Variants in MYH9 observed in about 807,000 individuals in gnomAD.
The protein encoded by MYH9 is myosin-9.
MYH9 carries 29 observed loss-of-function variants against 241.9 expected under a neutral mutation model. The ratio of observed to expected loss-of-function variants is 0.12; its 90% confidence interval spans 0.09 to 0.16. The LOEUF (loss-of-function observed/expected upper bound fraction) is 0.16, where lower values mean the gene tolerates loss of function less well. MYH9 is among the 10% of genes least tolerant of loss of function. The pLI, the probability that MYH9 is intolerant of heterozygous loss-of-function variation, is 1.00. For synonymous variants in MYH9, 1,047 were observed against 1,062.6 expected (o/e 0.99, Z 0.29); for missense variants, 1,803 against 2,595.5 (o/e 0.69, Z 6.63).
At chr22:36,365,277 T>C (rs1426440965) in intron 1 of MYH9, among the ~76,000 whole-genome samples, 1 of 152,074 alleles carries the variant, frequency 6.6e-6, no homozygotes, top group Admixed American at 6.6e-5. Context: ...GGTAGCTCAT[T>C]TCCCAGAATT....
At chr22:36,292,635 C>T (rs1373814760) in intron 30 of MYH9, among the ~76,000 whole-genome samples, 1 of 152,222 alleles carries the variant, frequency 6.6e-6, no homozygotes, top group African/African-American at 2.4e-5. Context: ...CGCTCGCGGG[C>T]TACTCCTACC....
At chr22:36,316,202 T>G (rs2146358749) in intron 12 of MYH9, among the ~76,000 whole-genome samples, 1 of 151,684 alleles carries the variant, frequency 6.6e-6, no homozygotes, top group Admixed American at 6.5e-5. Context: ...CACGCCCGGC[T>G]AATGTATTTT....
At chr22:36,376,988 G>A (rs780384181) in intron 1 of MYH9, among the ~76,000 whole-genome samples, 9 of 152,030 alleles carry the variant, frequency 5.9e-5, no homozygotes, top group East Asian at 1.9e-4. Flanking sequence ...GCTTGAACCC[G>A]GGAGGTGGAG....
Position 36,285,697 on chromosome 22 carries a change from C to T in MYH9, c.5235G>A (p.Thr1745=), listed in dbSNP as rs727504684. ...EEELEEEQGN[T]ELINDRLKKA... is the part of the protein sequence containing the mutation. ...TCTTCAGCCGGTCGTTGATCAGCTC[C>T]GTGTTGCCCTGCTCCTCCTCCAGCT... Residue 1745 remains threonine (T), a synonymous_variant, in exon 37 of 41, where the codon ACG becomes ACA. Coordinates refer to ENST00000216181, the MANE Select transcript of MYH9 (RefSeq NM_002473.6). The surrounding 1 kb of genome is among the most constrained non-coding windows in gnomAD (Gnocchi z 7.0). The T allele has an allele frequency of 6.2e-6, 10 of 1,612,980 alleles. No homozygotes were observed. The highest frequency in any genetic ancestry group is 1.9e-4 in the Middle Eastern group (1 of 5,312).
chr22:36,375,421 C>A (rs1449227701), intron 1 of MYH9, among the ~76,000 whole-genome samples: 1 of 152,194 alleles, frequency 6.6e-6, no homozygotes, highest in Non-Finnish European at 1.5e-5. Flanking sequence ...CCTGGCAACC[C>A]CGCTGTGGGT....
At chr22:36,335,428 C>G (rs1225931328) in intron 3 of MYH9, among the ~76,000 whole-genome samples, 1 of 152,234 alleles carries the variant, frequency 6.6e-6, no homozygotes, top group Admixed American at 6.5e-5. Context: ...GGCGGCCTCC[C>G]GGCTGGGTGC....
intron 13 of MYH9, 100 bp from the exon 14 acceptor site, chr22:36,312,322 A>G: frequency 7.9e-7 from 1 of 1,268,768 alleles, no homozygotes; most frequent in Non-Finnish European, 1.1e-6. Flanking sequence ...CCTGAATCCC[A>G]CAGACGGTGG....
chr22:36,321,904 C>A, intron 6 of MYH9, 83 bp from the exon 7 acceptor site: 1 of 1,225,406 alleles, frequency 8.2e-7, no homozygotes, highest in Admixed American at 1.7e-5. Flanking sequence ...CAGCCCCCCG[C>A]CCCACCTCCG....
At chr22:36,370,361 T>C (rs1016815725) in intron 1 of MYH9, among the ~76,000 whole-genome samples, 1 of 152,186 alleles carries the variant, frequency 6.6e-6, no homozygotes, top group African/African-American at 2.4e-5. Context: ...CATTCTAGTA[T>C]GAATATCCTC....
At chr22:36,326,134 G>A (rs2017332523) in intron 5 of MYH9, among the ~76,000 whole-genome samples, 1 of 152,128 alleles carries the variant, frequency 6.6e-6, no homozygotes, top group Admixed American at 6.6e-5. Flanking sequence ...GGTGGTGGGG[G>A]TGGGTGGCTG....
At chr22:36,291,683 T>TAAAAAAAAAA (rs66686435) in intron 31 of MYH9, among the ~76,000 whole-genome samples, 18 of 86,922 alleles carry the variant, frequency 2.1e-4, no homozygotes, top group South Asian at 4.1e-4. Flanking sequence ...ATAAAAAAAT[T>TAAAAAAAAAA]AAAAAAAAAA....
intron 2 of MYH9, among the ~76,000 whole-genome samples, chr22:36,347,428 A>G (rs1248616158): frequency 6.6e-6 from 1 of 151,710 alleles, no homozygotes; most frequent in African/African-American, 2.4e-5. Flanking sequence ...CCACACCAAC[A>G]AGCATCCGTA....
At chr22:36,361,043 C>A (rs557141399) in intron 1 of MYH9, among the ~76,000 whole-genome samples, 2 of 152,292 alleles carry the variant, frequency 1.3e-5, no homozygotes, top group African/African-American at 4.8e-5. Flanking sequence ...CCTCTGTCAC[C>A]CAGGGCTAAT....
intron 20 of MYH9, 81 bp from the exon 21 acceptor site, chr22:36,301,746 C>A: frequency 1.3e-6 from 2 of 1,576,114 alleles, no homozygotes; most frequent in South Asian, 1.1e-5. Context: ...CTCTCCCTCA[C>A]CTCTGGAAAC....
intron 30 of MYH9, among the ~76,000 whole-genome samples, chr22:36,292,759 C>T (rs904925207): frequency 3.3e-5 from 5 of 152,236 alleles, no homozygotes; most frequent in African/African-American, 4.8e-5. Context: ...TATTAGGCTA[C>T]GGACCCCTTC....
intron 1 of MYH9, among the ~76,000 whole-genome samples, chr22:36,374,393 G>A (rs928143008): frequency 1.3e-5 from 2 of 152,208 alleles, no homozygotes; most frequent in African/African-American, 2.4e-5. Context: ...GGCGGCACGC[G>A]CCTGTAATCC....
chr22:36,373,254 G>A (rs142607246), intron 1 of MYH9, among the ~76,000 whole-genome samples: 3 of 152,214 alleles, frequency 2.0e-5, no homozygotes, highest in Non-Finnish European at 4.4e-5. Context: ...CCCTGCCCCT[G>A]CCCTCAGCTG....
chr22:36,283,995 G>T, intron 40 of MYH9, 98 bp downstream of exon 40: 4 of 1,435,718 alleles, frequency 2.8e-6, no homozygotes, highest in South Asian at 1.1e-5. Context: ...GTCCTTTCTT[G>T]GTGACATTCG....
chr22:36,342,701 T>G (rs550709885), intron 2 of MYH9, among the ~76,000 whole-genome samples: 1 of 151,254 alleles, frequency 6.6e-6, no homozygotes, highest in East Asian at 1.9e-4. Context: ...AGATGTTCAG[T>G]TGGGGAACGC....
Sources: allele counts gnomAD v4.1 joint callset (sites outside exome capture counted in the v4.1 genomes callset), GRCh38; gene constraint gnomAD v4.1.1; non-coding constraint Gnocchi (gnomAD v3.1); transcripts MANE v1.5; gene names NCBI Gene and HGNC (gene_info 2026-07-23, HGNC 2026-07-21).